Variants in THSD7B observed in about 807,000 individuals in gnomAD.
THSD7B encodes thrombospondin type-1 domain-containing protein 7B.
A neutral mutation model predicts 213.6 loss-of-function variants in THSD7B; 138 were observed. The observed-to-expected ratio is 0.65, with a 90% CI of 0.56 to 0.74. THSD7B has a LOEUF of 0.74. THSD7B is among the 30% of genes least tolerant of loss of function. The probability of loss-of-function intolerance (pLI) is 0.00; values close to 1 mark genes in which losing one functional copy is unlikely to be tolerated. For synonymous variants in THSD7B, 742 were observed against 687.0 expected, an observed-to-expected ratio of 1.08 and a Z score of -1.25; for missense variants, 1,931 against 1,991.5, an observed-to-expected ratio of 0.97 and a Z score of 0.58.
chr2:137,344,591 A>G (rs1029113037), intron 12 of THSD7B, among the ~76,000 whole-genome samples: 10 of 151,674 alleles, frequency 6.6e-5, no homozygotes, highest in African/African-American at 2.4e-4. Flanking sequence ...GGGAGGAATA[A>G]GTGGACACAA....
At chr2:136,858,366 CAT>C (rs145825370) in intron 1 of THSD7B, among the ~76,000 whole-genome samples, 3,431 of 152,234 alleles carry the variant, frequency 0.023, 65 homozygotes, top group South Asian at 0.064. Flanking sequence ...GACATGCTGA[CAT>C]GTGGTTTATT....
At chr2:136,964,590 G>A (rs10427378) in intron 2 of THSD7B, among the ~76,000 whole-genome samples, 59,326 of 151,846 alleles carry the variant, frequency 0.39, 13,122 homozygotes, top group East Asian at 0.66. Flanking sequence ...CTACTTAAAC[G>A]TTCCTATGCA....
intron 12 of THSD7B, among the ~76,000 whole-genome samples, chr2:137,315,711 G>T (rs1684081559): frequency 6.6e-6 from 1 of 152,086 alleles, no homozygotes; most frequent in Admixed American, 6.6e-5. Context: ...TGTTTAGATG[G>T]AATATATTTA....
chr2:137,400,360 G>C (rs1423422182), intron 12 of THSD7B, among the ~76,000 whole-genome samples: 3 of 152,048 alleles, frequency 2.0e-5, no homozygotes, highest in Admixed American at 1.3e-4. Flanking sequence ...AGCAACAGTA[G>C]CTTCTTATTT....
intron 4 of THSD7B, among the ~76,000 whole-genome samples, chr2:137,099,108 C>T (rs945568091): frequency 2.6e-5 from 4 of 152,032 alleles, no homozygotes; most frequent in Non-Finnish European, 5.9e-5. Context: ...ACAGTGTATA[C>T]TATGGGTAGG....
At chr2:136,779,254 T>A (rs1033974472) in intron 1 of THSD7B, among the ~76,000 whole-genome samples, 18 of 150,994 alleles carry the variant, frequency 1.2e-4, no homozygotes, top group Admixed American at 4.6e-4. Flanking sequence ...TCTTTTTTAA[T>A]GTCAAGTCCT....
At chr2:137,184,589 G>C (rs75075757) in intron 7 of THSD7B, among the ~76,000 whole-genome samples, 1 of 151,922 alleles carries the variant, frequency 6.6e-6, no homozygotes, top group Non-Finnish European at 1.5e-5. Context: ...TGCAATCTAG[G>C]GGAATTTTTT....
At chr2:137,081,457 G>A (rs1057452920) in intron 3 of THSD7B, among the ~76,000 whole-genome samples, 2 of 151,720 alleles carry the variant, frequency 1.3e-5, no homozygotes, top group African/African-American at 4.8e-5. Context: ...CATCATTTGA[G>A]TATTTCCTTT....
At chr2:137,264,378 G>A (rs1558978083) in intron 10 of THSD7B, among the ~76,000 whole-genome samples, 1 of 151,410 alleles carries the variant, frequency 6.6e-6, no homozygotes, top group East Asian at 1.9e-4. Context: ...TCACCCTCCT[G>A]AGTAGCTGGG....
intron 2 of THSD7B, among the ~76,000 whole-genome samples, chr2:137,021,295 G>T (rs1372417519): frequency 6.6e-6 from 1 of 152,070 alleles, no homozygotes; most frequent in Admixed American, 6.6e-5. Context: ...AGGATTGGAT[G>T]TTTCTTTATT....
At chr2:137,104,344 A>G (rs770607759) in intron 4 of THSD7B, among the ~76,000 whole-genome samples, 8 of 152,212 alleles carry the variant, frequency 5.3e-5, no homozygotes, top group Non-Finnish European at 1.2e-4. Context: ...GAGAACAAAG[A>G]CACAACATAC....
intron 2 of THSD7B, among the ~76,000 whole-genome samples, chr2:137,030,086 G>A (rs553043398): frequency 1.8e-4 from 27 of 152,104 alleles, no homozygotes; most frequent in African/African-American, 6.3e-4. Context: ...ATCTATGTGT[G>A]GGTTTTGCAT....
chr2:137,429,617 T>C (rs1263083124), intron 14 of THSD7B, among the ~76,000 whole-genome samples: 3 of 152,228 alleles, frequency 2.0e-5, no homozygotes, highest in East Asian at 3.9e-4. Flanking sequence ...AGTATTCTGG[T>C]TAGACATTGG....
chr2:137,645,858 G>A (rs1040661324), intron 21 of THSD7B, among the ~76,000 whole-genome samples: 1 of 152,020 alleles, frequency 6.6e-6, no homozygotes, highest in African/African-American at 2.4e-5. Context: ...TCTATCATAT[G>A]GAATAATAAG....
chr2:137,214,762 G>T (rs6717080), intron 7 of THSD7B, among the ~76,000 whole-genome samples: 2 of 152,044 alleles, frequency 1.3e-5, no homozygotes, highest in Admixed American at 1.3e-4. Context: ...GGACATGAGC[G>T]CATCCTTTTT....
Position 137,676,709 on chromosome 2 carries a change from T to G in THSD7B, c.*104T>G. The G allele has an allele frequency of 1.0e-6, 1 of 982,942 alleles. No homozygotes were observed. Among genetic ancestry groups the G allele is most frequent in the Non-Finnish European group, 1.4e-6 (1 of 700,420 alleles). The allele number at this position is 982,942 out of a possible 1,614,324, so 60.9% of individuals were successfully genotyped here. ...TTGAGGAATCTCAAGATGTGATATA[T>G]TGGGCAGAATACAAATATTGCAAAA... On this transcript the variant is annotated 3_prime_UTR_variant, in exon 28 of 28. Coordinates refer to ENST00000409968, the MANE Select transcript of THSD7B (RefSeq NM_001316349.2).
chr2:136,958,708 T>G (rs920680109), intron 2 of THSD7B, among the ~76,000 whole-genome samples: 4 of 152,202 alleles, frequency 2.6e-5, no homozygotes, highest in African/African-American at 9.7e-5. Context: ...ATTCTGAGCA[T>G]TGTTGGTGAG....
At chr2:137,264,234 A>T (rs1308913388) in intron 10 of THSD7B, among the ~76,000 whole-genome samples, 1 of 150,302 alleles carries the variant, frequency 6.7e-6, no homozygotes, top group African/African-American at 2.4e-5. Context: ...TATAGTATTG[A>T]CTTAGAAACA....
chr2:137,553,906 C>G (rs1003648864), intron 15 of THSD7B, among the ~76,000 whole-genome samples: 6 of 152,096 alleles, frequency 3.9e-5, no homozygotes, highest in Admixed American at 1.3e-4. Context: ...AATTTTTATT[C>G]TTGAATGCCC....
Sources: gnomAD v4.1 joint callset for allele counts (sites outside exome capture counted in the v4.1 genomes callset) on GRCh38, gnomAD v4.1.1 for gene constraint, MANE v1.5 for transcripts, NCBI Gene and HGNC (gene_info 2026-07-23, HGNC 2026-07-21) for gene names.